The following ATXN7L1 variants were observed in gnomAD, a reference collection of about 807,000 sequenced individuals.
ATXN7L1 encodes ataxin-7-like protein 1.
Under a neutral mutation model 70.8 loss-of-function variants are expected in ATXN7L1, and 15 were observed. That is an observed-to-expected ratio of 0.21 (90% confidence interval 0.14 to 0.33). The LOEUF (loss-of-function observed/expected upper bound fraction) is 0.33, where lower values mean the gene tolerates loss of function less well. Ranked by LOEUF, ATXN7L1 falls within the 10% of genes least tolerant of loss-of-function variation. ATXN7L1 has a pLI of 1.00. For missense variants in ATXN7L1, 975 were observed against 1,097.1 expected (o/e 0.89, Z 1.57); for synonymous variants, 440 against 445.1 (o/e 0.99, Z 0.14).
intron 3 of ATXN7L1, among the ~76,000 whole-genome samples, chr7:105,695,719 G>A (rs191295656): frequency 4.6e-4 from 70 of 152,318 alleles, no homozygotes; most frequent in Non-Finnish European, 8.2e-4. Context: ...CCTTTGCTGA[G>A]TTCTTTGCAA....
intron 3 of ATXN7L1, among the ~76,000 whole-genome samples, chr7:105,717,818 C>G (rs1794744348): frequency 6.6e-6 from 1 of 152,160 alleles, no homozygotes; most frequent in East Asian, 1.9e-4. Flanking sequence ...GAACATTTTT[C>G]AGGTGAAAAT....
At chr7:105,698,091 G>A (rs915264236) in intron 3 of ATXN7L1, among the ~76,000 whole-genome samples, 1 of 152,258 alleles carries the variant, frequency 6.6e-6, no homozygotes, top group African/African-American at 2.4e-5. Context: ...GGTAGCTGTG[G>A]GGGCTATTGG....
intron 2 of ATXN7L1, among the ~76,000 whole-genome samples, chr7:105,817,618 A>C (rs1809387616): frequency 6.6e-6 from 1 of 152,092 alleles, no homozygotes; most frequent in African/African-American, 2.4e-5. Flanking sequence ...AATGGAGCAA[A>C]ATGTTAACAA....
chr7:105,755,840 G>C (rs1034780530), intron 3 of ATXN7L1, among the ~76,000 whole-genome samples: 8 of 152,200 alleles, frequency 5.3e-5, no homozygotes, highest in African/African-American at 1.9e-4. Context: ...CCACACGAAA[G>C]AGATGCTCTG....
intron 2 of ATXN7L1, among the ~76,000 whole-genome samples, chr7:105,809,836 T>A (rs1283272888): frequency 6.6e-6 from 1 of 151,986 alleles, no homozygotes; most frequent in Admixed American, 6.6e-5. Context: ...AGTTATGCTA[T>A]CATAGCTCAC....
chr7:105,632,487 A>C (rs1219834868), intron 7 of ATXN7L1, among the ~76,000 whole-genome samples: 1 of 152,230 alleles, frequency 6.6e-6, no homozygotes, highest in African/African-American at 2.4e-5. Context: ...ATTAATAAAA[A>C]GTCAAGAAAG....
chr7:105,707,926 C>T (rs1241820281), intron 3 of ATXN7L1, among the ~76,000 whole-genome samples: 2 of 152,216 alleles, frequency 1.3e-5, no homozygotes, highest in Non-Finnish European at 2.9e-5. Flanking sequence ...TCATCTTTCT[C>T]ACTTATTTTA....
At chr7:105,630,853 G>T (rs1218464070) in intron 7 of ATXN7L1, among the ~76,000 whole-genome samples, 1 of 152,150 alleles carries the variant, frequency 6.6e-6, no homozygotes, top group African/African-American at 2.4e-5. Context: ...GCTCAATTTT[G>T]CTGGGAAACT....
Position 105,848,821 on chromosome 7 carries a change from T to C in ATXN7L1, c.250+26991A>G, listed in dbSNP as rs1367567898. 1.7e-4 allele frequency among the ~76,000 whole-genome samples: 26 copies of C among 152,134 alleles called. 1 individual carries two copies. The highest frequency in any genetic ancestry group is 1.7e-3 in the Admixed American group (26 of 15,286). On this transcript the variant is annotated intron_variant, in intron 2 of 11. Coordinates refer to ENST00000419735, the MANE Select transcript of ATXN7L1 (RefSeq NM_020725.2). ...GTGCACCCAGCCTAGAGCATGCTGC[T>C]CCTCGGCCCAGTGACTATTCTTCTA...
At chr7:105,733,274 G>A (rs1191256143) in intron 3 of ATXN7L1, among the ~76,000 whole-genome samples, 1 of 152,164 alleles carries the variant, frequency 6.6e-6, no homozygotes, top group Non-Finnish European at 1.5e-5. Context: ...AATCATATGT[G>A]CTCATAAATA....
chr7:105,663,350 C>T (rs1293253870), intron 4 of ATXN7L1, among the ~76,000 whole-genome samples: 1 of 152,220 alleles, frequency 6.6e-6, no homozygotes, highest in African/African-American at 2.4e-5. Context: ...CTTTCCACTC[C>T]ATCACAAGAG....
At chr7:105,775,152 T>G (rs1162761305) in intron 3 of ATXN7L1, among the ~76,000 whole-genome samples, 2 of 152,228 alleles carry the variant, frequency 1.3e-5, no homozygotes, top group Admixed American at 1.3e-4. Context: ...CTATGCAGCA[T>G]TCCCAAATTT....
At chr7:105,693,513 G>A (rs1791286238) in intron 3 of ATXN7L1, among the ~76,000 whole-genome samples, 1 of 151,746 alleles carries the variant, frequency 6.6e-6, no homozygotes, top group African/African-American at 2.4e-5. Flanking sequence ...TTAAATTGCT[G>A]GGTGGACTTA....
At chr7:105,626,298 T>C (rs1795683738) in intron 7 of ATXN7L1, among the ~76,000 whole-genome samples, 1 of 152,078 alleles carries the variant, frequency 6.6e-6, no homozygotes. Context: ...TATTGGATGA[T>C]TCCACTTACA....
intron 2 of ATXN7L1, among the ~76,000 whole-genome samples, chr7:105,853,915 T>C (rs1815286603): frequency 6.6e-6 from 1 of 152,144 alleles, no homozygotes; most frequent in Non-Finnish European, 1.5e-5. Flanking sequence ...CACAAGCGCT[T>C]GATGCACCAG....
intron 3 of ATXN7L1, among the ~76,000 whole-genome samples, chr7:105,743,261 A>G (rs548753283): frequency 6.6e-6 from 1 of 152,346 alleles, no homozygotes; most frequent in Admixed American, 6.5e-5. Context: ...AAGAATGATT[A>G]CATATCTGTG....
At chr7:105,800,631 A>T (rs1049391138) in intron 2 of ATXN7L1, among the ~76,000 whole-genome samples, 1 of 152,242 alleles carries the variant, frequency 6.6e-6, no homozygotes, top group Non-Finnish European at 1.5e-5. Context: ...AAGCTGCCTT[A>T]GACTAAAGAA....
chr7:105,643,649 C>CG (rs1432305468), intron 4 of ATXN7L1, among the ~76,000 whole-genome samples: 2 of 152,256 alleles, frequency 1.3e-5, no homozygotes, highest in Non-Finnish European at 2.9e-5. Context: ...GCGTGCTGCA[C>CG]GGCGTGCTGT....
chr7:105,614,808 G>C lies in ATXN7L1; in HGVS notation c.1526C>G (p.Pro509Arg). 6.5e-7 allele frequency: 1 copy of C among 1,549,766 alleles called. No individual in the cohort carries two copies. Among genetic ancestry groups the C allele is most frequent in the Non-Finnish European group, 8.7e-7 (1 of 1,145,826 alleles). The change falls in exon 10 of 12, where the codon CCT becomes CGT. Residue 509 changes from proline (P) to arginine (R), a missense_variant. Pro to Arg is a moderately radical substitution (Grantham distance 103, BLOSUM62 -2). This residue lies in a region of ATXN7L1 where 635 missense variants were observed against 699.4 expected (regional missense o/e 0.91). Transcript: ENST00000419735. The surrounding 1 kb of genome is among the most constrained non-coding windows in gnomAD (Gnocchi z 4.3). ...HLNSQMWKKI[P>R]PAADSPLPSP... The stretch of plus-strand genomic sequence containing the variant: ...GGGCAGGGGGCTATCTGCCGCAGGA[G>C]GGATCTTCCTAAACATGAGAGAAGA...
Sources: gnomAD v4.1 joint callset for allele counts (sites outside exome capture counted in the v4.1 genomes callset) on GRCh38, gnomAD v4.1.1 for gene constraint, gnomAD v4.1.1 regional missense constraint, Gnocchi (gnomAD v3.1) non-coding constraint, MANE v1.5 for transcripts, NCBI Gene and HGNC (gene_info 2026-07-23, HGNC 2026-07-21) for gene names.